WDR27: variants seen among roughly 807,000 people sequenced by gnomAD.
WDR27 encodes WD repeat-containing protein 27.
A neutral mutation model predicts 114.4 loss-of-function variants in WDR27; 100 were observed. That is an observed-to-expected ratio of 0.87 (90% CI 0.74 to 1.03). The LOEUF (loss-of-function observed/expected upper bound fraction) is 1.03, where lower values mean the gene tolerates loss of function less well. Among genes scored for constraint, WDR27 ranks in the 50% least tolerant of loss-of-function variants. The probability of loss-of-function intolerance (pLI) is 0.00; values close to 1 mark genes in which losing one functional copy is unlikely to be tolerated. For missense variants in WDR27, 1,129 were observed against 1,092.9 expected (o/e 1.03, Z -0.47); for synonymous variants, 449 against 423.1 (o/e 1.06, Z -0.75).
chr6:169,545,682 A>C (rs768519804), intron 25 of WDR27, among the ~76,000 whole-genome samples: 3 of 152,194 alleles, frequency 2.0e-5, no homozygotes, highest in Non-Finnish European at 4.4e-5. Context: ...TGTCTCCAAA[A>C]AATAAAAAAC....
intron 15 of WDR27, among the ~76,000 whole-genome samples, chr6:169,648,443 T>C (rs1412715406): frequency 2.0e-5 from 3 of 152,126 alleles, no homozygotes; most frequent in Non-Finnish European, 4.4e-5. Flanking sequence ...ACCAAAAAAA[T>C]CAGAGCTGAA....
chr6:169,584,661 T>C (rs1804204526), intron 23 of WDR27, among the ~76,000 whole-genome samples: 1 of 152,238 alleles, frequency 6.6e-6, no homozygotes, highest in African/African-American at 2.4e-5. Flanking sequence ...ATTAGTGATG[T>C]GGAGCACCTT....
the WDR27 span, among the ~76,000 whole-genome samples, chr6:169,450,754 C>A: frequency 6.6e-6 from 1 of 152,108 alleles, no homozygotes; most frequent in African/African-American, 2.4e-5. Context: ...CTGGTGTCTT[C>A]CACTCAGCGT....
chr6:169,664,210 G>C lies in WDR27; in HGVS notation c.860C>G (p.Thr287Ser), dbSNP rs757047212. Residue 287 changes from threonine (T) to serine (S), a missense_variant, in exon 8 of 26, where the codon ACT becomes AGT. Thr to Ser is a moderately conservative substitution (Grantham distance 58). Coordinates refer to ENST00000448612, the MANE Select transcript of WDR27 (RefSeq NM_182552.5). ...ARVDLRKKTE[T>S]FSTRRVKSGL... ...AGACTTAACCCTTCTTGTGGAGAAA[G>C]TCTCTGTCTTCTTCCTTAGGTCAAC... is the stretch of plus-strand genomic sequence containing the variant. 1 of 1,612,320 alleles carries C rather than the reference G, an allele frequency of 6.2e-7. No homozygotes were observed. Among genetic ancestry groups the C allele is most frequent in the Middle Eastern group, 1.7e-4 (1 of 6,048 alleles).
At chr6:169,681,175 C>G (rs1166773636) in intron 2 of WDR27, among the ~76,000 whole-genome samples, 1 of 152,146 alleles carries the variant, frequency 6.6e-6, no homozygotes, top group Non-Finnish European at 1.5e-5. Context: ...ATAGTATATC[C>G]ATACAATGAA....
chr6:169,694,608 G>T (rs550919566), intron 1 of WDR27, among the ~76,000 whole-genome samples: 7 of 152,344 alleles, frequency 4.6e-5, no homozygotes, highest in African/African-American at 1.7e-4. Flanking sequence ...TGTCTCAGAA[G>T]AGAAAGCAAG....
At position 169,613,639 on chromosome 6, in the gene WDR27, G is replaced by A; in HGVS notation, c.2241C>T (p.Thr747=). The part of the protein sequence containing the change: ...ICQNKGSSFT[T]QQPQAYNLFL... ...AAAGGTTATAAGCCTGAGGCTGTTG[G>A]GTTGTAAATGATGAACCCTATAATT... Residue 747 remains threonine, a synonymous_variant, in exon 22 of 26, where the codon ACC becomes ACT. Transcript: ENST00000448612. 1 of 1,613,436 alleles carries A rather than the reference G, an allele frequency of 6.2e-7. No homozygotes were observed. Among genetic ancestry groups the A allele is most frequent in the Non-Finnish European group, 8.5e-7 (1 of 1,179,514 alleles).
intron 24 of WDR27, among the ~76,000 whole-genome samples, chr6:169,579,974 A>C (rs1419639101): frequency 6.6e-6 from 1 of 152,228 alleles, no homozygotes; most frequent in Non-Finnish European, 1.5e-5. Flanking sequence ...GATCATAGTC[A>C]ATAAAGAAAG....
At chr6:169,537,865 G>A (rs1001844) in intron 25 of WDR27, among the ~76,000 whole-genome samples, 16,905 of 152,116 alleles carry the variant, frequency 0.11, 1,946 homozygotes, top group East Asian at 0.58. Flanking sequence ...TTTGGGTTAT[G>A]TATTAAAGTA....
At chr6:169,505,285 G>T (rs1033235994) in intron 25 of WDR27, among the ~76,000 whole-genome samples, 1 of 152,112 alleles carries the variant, frequency 6.6e-6, no homozygotes, top group African/African-American at 2.4e-5. Context: ...GCAGCAGGGG[G>T]AGTTAATGTT....
intron 23 of WDR27, among the ~76,000 whole-genome samples, chr6:169,600,186 G>A (rs1807670625): frequency 6.6e-6 from 1 of 152,088 alleles, no homozygotes; most frequent in South Asian, 2.1e-4. Context: ...TTCCAACTAT[G>A]TGGTCAATTT....
At chr6:169,585,452 C>T (rs1804351188) in intron 23 of WDR27, among the ~76,000 whole-genome samples, 1 of 152,166 alleles carries the variant, frequency 6.6e-6, no homozygotes, top group Admixed American at 6.5e-5. Context: ...GTCTGATATA[C>T]AGTCGACCCT....
chr6:169,444,484 TGA>T, the WDR27 span, among the ~76,000 whole-genome samples: 1 of 152,170 alleles, frequency 6.6e-6, no homozygotes, highest in Non-Finnish European at 1.5e-5. Context: ...GAAGCATTTC[TGA>T]GAGTCCCTGC....
the WDR27 span, among the ~76,000 whole-genome samples, chr6:169,435,976 A>G: frequency 1.6e-4 from 24 of 152,344 alleles, no homozygotes; most frequent in African/African-American, 5.3e-4. Flanking sequence ...AATTTATATT[A>G]TTATGTTTTA....
chr6:169,613,082 A>G (rs180946439), intron 22 of WDR27, among the ~76,000 whole-genome samples: 1 of 152,364 alleles, frequency 6.6e-6, no homozygotes, highest in Admixed American at 6.5e-5. Context: ...TCTAAAATAT[A>G]CTTGATGTGA....
At chr6:169,540,160 G>C (rs1379291744) in intron 25 of WDR27, among the ~76,000 whole-genome samples, 1 of 152,130 alleles carries the variant, frequency 6.6e-6, no homozygotes, top group Non-Finnish European at 1.5e-5. Context: ...AACATACTAG[G>C]ATTGCTGTTC....
At position 169,507,305 on chromosome 6, in the gene WDR27, G is replaced by A. The variant is rs184715496; in HGVS notation, c.2646-49671C>T. Among the ~76,000 whole-genome samples, 221 of 152,278 alleles carry A rather than the reference G, an allele frequency of 1.5e-3. 1 individual carries two copies. The highest frequency in any genetic ancestry group is 2.6e-3 in the Non-Finnish European group (179 of 68,028). ...AGGTGGGGAAAGAAAGAAGCAGCAC[G>A]TGTGTAAGATTGTTTTGACTGGGGA... is the stretch of plus-strand genomic sequence containing the variant. On this transcript the variant is annotated intron_variant, in intron 25 of 25. Coordinates refer to ENST00000448612, the MANE Select transcript of WDR27 (RefSeq NM_182552.5).
At chr6:169,534,132 T>C (rs1795950238) in intron 25 of WDR27, among the ~76,000 whole-genome samples, 1 of 152,200 alleles carries the variant, frequency 6.6e-6, no homozygotes, top group Admixed American at 6.5e-5. Flanking sequence ...GTCAAATCAT[T>C]TTCCTGTGTA....
intron 24 of WDR27, among the ~76,000 whole-genome samples, chr6:169,578,289 GC>G (rs951177499): frequency 6.6e-6 from 1 of 152,212 alleles, no homozygotes; most frequent in African/African-American, 2.4e-5. Flanking sequence ...CATGTGGGCT[GC>G]CGTTTGGGAT....
Sources: allele counts gnomAD v4.1 joint callset (sites outside exome capture counted in the v4.1 genomes callset), GRCh38; gene constraint gnomAD v4.1.1; transcripts MANE v1.5; gene names NCBI Gene and HGNC (gene_info 2026-07-23, HGNC 2026-07-21).